The following SPOCK3 variants were observed in gnomAD, a reference collection of about 807,000 sequenced individuals.
SPOCK3 encodes SPARC (osteonectin), cwcv and kazal like domains proteoglycan 3, also known as testican-3.
A neutral mutation model predicts 56.6 loss-of-function variants in SPOCK3; 30 were observed. The ratio of observed to expected loss-of-function variants is 0.53; its 90% CI spans 0.40 to 0.72. The LOEUF (loss-of-function observed/expected upper bound fraction) is 0.72, where lower values mean the gene tolerates loss of function less well. Among genes scored for constraint, SPOCK3 ranks in the 30% least tolerant of loss-of-function variants. The probability of loss-of-function intolerance (pLI) is 0.00; values close to 1 mark genes in which losing one functional copy is unlikely to be tolerated. For missense variants in SPOCK3, 527 were observed against 530.0 expected (o/e 0.99, Z 0.06); for synonymous variants, 196 against 183.3 (o/e 1.07, Z -0.56).
At chr4:167,098,023 T>C (rs1179958453) in intron 2 of SPOCK3, among the ~76,000 whole-genome samples, 1 of 151,942 alleles carries the variant, frequency 6.6e-6, no homozygotes, top group African/African-American at 2.4e-5. Context: ...CATAAATGTG[T>C]CCCCTGTGGT....
intron 2 of SPOCK3, among the ~76,000 whole-genome samples, chr4:167,109,584 A>T (rs1350940857): frequency 5.2e-5 from 7 of 135,464 alleles, no homozygotes; most frequent in African/African-American, 1.1e-4. Flanking sequence ...TATATTTATT[A>T]TATATATATA....
intron 2 of SPOCK3, among the ~76,000 whole-genome samples, chr4:167,226,072 A>G (rs886902825): frequency 2.0e-5 from 3 of 152,170 alleles, no homozygotes; most frequent in Non-Finnish European, 4.4e-5. Context: ...CTTGCCCACC[A>G]ATCACCATTA....
At chr4:166,799,545 C>T (rs1300861573) in intron 6 of SPOCK3, among the ~76,000 whole-genome samples, 2 of 151,974 alleles carry the variant, frequency 1.3e-5, no homozygotes, top group African/African-American at 2.4e-5. Context: ...GGTGATGTTG[C>T]GAAGGAGTGT....
chr4:166,986,890 G>T (rs899742018), intron 4 of SPOCK3, among the ~76,000 whole-genome samples: 1 of 152,054 alleles, frequency 6.6e-6, no homozygotes, highest in African/African-American at 2.4e-5. Context: ...TGGTTTGACT[G>T]TCCATTCTGT....
At chr4:167,149,873 A>C (rs572444739) in intron 2 of SPOCK3, among the ~76,000 whole-genome samples, 1 of 151,782 alleles carries the variant, frequency 6.6e-6, no homozygotes, top group Non-Finnish European at 1.5e-5. Flanking sequence ...ACATATACTA[A>C]AAGTATAGAT....
At chr4:167,008,958 T>G (rs1749738941) in intron 3 of SPOCK3, among the ~76,000 whole-genome samples, 1 of 152,122 alleles carries the variant, frequency 6.6e-6, no homozygotes, top group Non-Finnish European at 1.5e-5. Flanking sequence ...TACATCCATG[T>G]AATAACCTGC....
At chr4:167,221,464 A>G (rs1735914555) in intron 2 of SPOCK3, among the ~76,000 whole-genome samples, 1 of 152,184 alleles carries the variant, frequency 6.6e-6, no homozygotes, top group South Asian at 2.1e-4. Context: ...TTTTAAAAAA[A>G]CATGGTCTTT....
chr4:167,228,923 T>C (rs1280635164), intron 2 of SPOCK3, among the ~76,000 whole-genome samples: 1 of 152,142 alleles, frequency 6.6e-6, no homozygotes, highest in Non-Finnish European at 1.5e-5. Context: ...ATATACACTA[T>C]ATTCACAAGC....
intron 5 of SPOCK3, among the ~76,000 whole-genome samples, chr4:166,904,269 T>C (rs1395704615): frequency 1.3e-5 from 2 of 152,126 alleles, no homozygotes; most frequent in South Asian, 2.1e-4. Flanking sequence ...TCTTATAGCA[T>C]TGTTAAAATT....
intron 2 of SPOCK3, among the ~76,000 whole-genome samples, chr4:167,135,661 T>C (rs1488524792): frequency 1.4e-5 from 2 of 145,628 alleles, no homozygotes; most frequent in Non-Finnish European, 3.0e-5. Context: ...AGATATATTA[T>C]TTATTGTCCT....
At chr4:167,161,928 A>G (rs1421492891) in intron 2 of SPOCK3, among the ~76,000 whole-genome samples, 1 of 151,920 alleles carries the variant, frequency 6.6e-6, no homozygotes, top group Non-Finnish European at 1.5e-5. Flanking sequence ...ATTAGGAGAT[A>G]TACGTAATGT....
At chr4:167,127,620 G>A (rs1176408844) in intron 2 of SPOCK3, among the ~76,000 whole-genome samples, 1 of 151,970 alleles carries the variant, frequency 6.6e-6, no homozygotes, top group Non-Finnish European at 1.5e-5. Context: ...TAGAGACAGG[G>A]TTCCACCGTG....
rs1010629746 is a variant in SPOCK3 at position 166,942,307 on chromosome 4, T to A, written c.351-29564A>T. Among the ~76,000 whole-genome samples the A allele has an allele frequency of 2.0e-5, 3 of 151,540 alleles. No individual in the cohort carries two copies. The South Asian group carries it at 6.3e-4, about 32-fold the overall frequency. ...CTCACTGAAACCTCTGCCTCCTGGGTTCAAGTGATTTTCCAGCCTCAGCCT... is the reference window on the plus strand; with the variant it reads ...CTCACTGAAACCTCTGCCTCCTGGGATCAAGTGATTTTCCAGCCTCAGCCT... On this transcript the variant is annotated intron_variant, in intron 4 of 10. Coordinates refer to ENST00000357545, the MANE Select transcript of SPOCK3 (RefSeq NM_001040159.2).
intron 2 of SPOCK3, among the ~76,000 whole-genome samples, chr4:167,206,008 A>G (rs2110987984): frequency 6.6e-6 from 1 of 152,250 alleles, no homozygotes; most frequent in Admixed American, 6.6e-5. Flanking sequence ...CAATTTAGTT[A>G]ATGTAACTAC....
intron 3 of SPOCK3, among the ~76,000 whole-genome samples, chr4:167,035,343 T>C (rs1024237211): frequency 6.6e-6 from 1 of 151,108 alleles, no homozygotes; most frequent in Non-Finnish European, 1.5e-5. Flanking sequence ...ATATTTAGAG[T>C]GAAGGACAAT....
At chr4:166,920,720 C>A (rs891804659) in intron 4 of SPOCK3, among the ~76,000 whole-genome samples, 1 of 152,070 alleles carries the variant, frequency 6.6e-6, no homozygotes, top group Non-Finnish European at 1.5e-5. Flanking sequence ...AATGCCTAAG[C>A]GCAACATTTC....
chr4:167,128,451 T>A (rs1308886244), intron 2 of SPOCK3, among the ~76,000 whole-genome samples: 1 of 152,210 alleles, frequency 6.6e-6, no homozygotes, highest in Non-Finnish European at 1.5e-5. Context: ...GTAGTGGTCC[T>A]CATCTTCTTC....
Position 166,826,650 on chromosome 4 carries a change from A to T in SPOCK3, c.590-34361T>A, listed in dbSNP as rs10031678. ...TATAATTTTACAGTCAATAAATAAA[A>T]TTTTTTTTTCAATTTACATTCTAAC... On this transcript the variant is annotated intron_variant, in intron 6 of 10. Coordinates refer to ENST00000357545, the MANE Select transcript of SPOCK3 (RefSeq NM_001040159.2). 4.8e-3 allele frequency among the ~76,000 whole-genome samples: 726 copies of T among 151,692 alleles called. 9 individuals are homozygous for T. The highest frequency in any genetic ancestry group is 0.015 in the African/African-American group (637 of 41,358).
intron 3 of SPOCK3, among the ~76,000 whole-genome samples, chr4:167,006,583 C>T (rs887748102): frequency 5.3e-5 from 8 of 152,064 alleles, no homozygotes; most frequent in Admixed American, 3.3e-4. Flanking sequence ...TACTGTATTC[C>T]GATAATTCGC....
Sources: gnomAD v4.1 joint callset for allele counts (sites outside exome capture counted in the v4.1 genomes callset) on GRCh38, gnomAD v4.1.1 for gene constraint, MANE v1.5 for transcripts, NCBI Gene and HGNC (gene_info 2026-07-23, HGNC 2026-07-21) for gene names.